PPP2R2C: variants seen among roughly 807,000 people sequenced by gnomAD.
The protein encoded by PPP2R2C is protein phosphatase 2, regulatory subunit B, gamma.
Under a neutral mutation model 45.3 loss-of-function variants are expected in PPP2R2C, and 10 were observed. The ratio of observed to expected loss-of-function variants is 0.22; its 90% CI spans 0.14 to 0.37. PPP2R2C has a LOEUF of 0.37. PPP2R2C is among the 10% of genes least tolerant of loss of function. The pLI is 1.00. For synonymous variants in PPP2R2C, 257 were observed against 245.4 expected, an observed-to-expected ratio of 1.05 and a Z score of -0.44; for missense variants, 308 against 619.7, an observed-to-expected ratio of 0.50 and a Z score of 5.34.
At chr4:6,447,586 C>T (rs1001803400) in intron 1 of PPP2R2C, among the ~76,000 whole-genome samples, 1 of 150,102 alleles carries the variant, frequency 6.7e-6, no homozygotes, top group African/African-American at 2.5e-5. Flanking sequence ...CTCCTCCTTC[C>T]CCCTGCTTTA....
At chr4:6,505,678 G>C (rs1474330926) in intron 2 of PPP2R2C, among the ~76,000 whole-genome samples, 1 of 152,188 alleles carries the variant, frequency 6.6e-6, no homozygotes, top group Non-Finnish European at 1.5e-5. Flanking sequence ...ATAAATCCAA[G>C]AATAAGGCCA....
chr4:6,374,492 G>T (rs1041583705), intron 4 of PPP2R2C, among the ~76,000 whole-genome samples: 4 of 152,158 alleles, frequency 2.6e-5, no homozygotes. Context: ...AGACAGTGTC[G>T]GATCCAAAAG....
At chr4:6,486,117 T>C (rs192274541) in intron 2 of PPP2R2C, among the ~76,000 whole-genome samples, 3 of 152,196 alleles carry the variant, frequency 2.0e-5, no homozygotes, top group Admixed American at 1.3e-4. Context: ...AAATACTTTC[T>C]AATTTCCCTT....
chr4:6,554,493 G>T (rs1725295416), intron 1 of PPP2R2C, among the ~76,000 whole-genome samples: 1 of 152,134 alleles, frequency 6.6e-6, no homozygotes. Flanking sequence ...GTAGTGCTTT[G>T]TTAAGGCAGC....
intron 2 of PPP2R2C, among the ~76,000 whole-genome samples, chr4:6,530,294 C>T (rs1724352118): frequency 6.6e-6 from 1 of 152,102 alleles, no homozygotes; most frequent in African/African-American, 2.4e-5. Context: ...AAAAACCCCA[C>T]CCAGGGAGGA....
At position 6,329,607 on chromosome 4, in the gene PPP2R2C, CG is replaced by C. The variant is rs5855908; in HGVS notation, c.961-255del. 7.0e-5 allele frequency among the ~76,000 whole-genome samples: 9 copies of C among 129,322 alleles called. No homozygotes were observed. The highest frequency in any genetic ancestry group is 2.9e-4 in the African/African-American group (6 of 20,990). 84.8% of individuals were successfully genotyped at this position (129,322 alleles called of 152,430 possible). On this transcript the variant is annotated intron_variant, in intron 7 of 8. Transcript: ENST00000382599. The surrounding 1 kb of genome is among the most constrained non-coding windows in gnomAD (Gnocchi z 5.8). ...CCCAATACAGCCCTGCTCATCTTAT[CG>C]GGGGGCCCACGACCAGGCACACGGC...
rs1383614964 is a variant in PPP2R2C at position 6,511,776 on chromosome 4, G to GCT, written c.49+23494_49+23495insAG. Among the ~76,000 whole-genome samples the GCT allele has an allele frequency of 1.1e-4, 8 of 74,608 alleles. 1 individual carries two copies. Among genetic ancestry groups the GCT allele is most frequent in the Non-Finnish European group, 1.9e-4 (6 of 32,118 alleles). 48.9% of individuals were successfully genotyped at this position (74,608 alleles called of 152,430 possible). A position where few individuals can be genotyped will look rare whatever the true frequency, so the allele number is the denominator to read the frequency against. Reference sequence around the variant, plus strand: ...CAATGGTGGTGGTGATGGTGATGGTGGTAATGGTGGTGGTGATGGTGATGG... The same window carrying GCT: ...CAATGGTGGTGGTGATGGTGATGGTGCTGTAATGGTGGTGGTGATGGTGATGG... On this transcript the variant is annotated intron_variant, in intron 2 of 9. Coordinates refer to the PPP2R2C transcript ENST00000506140.
intron 1 of PPP2R2C, among the ~76,000 whole-genome samples, chr4:6,434,538 T>C (rs1719800244): frequency 6.6e-6 from 1 of 152,034 alleles, no homozygotes; most frequent in Non-Finnish European, 1.5e-5. Context: ...TTTGTAGTTT[T>C]AGTAGAGATG....
chr4:6,448,051 G>A (rs772268842), intron 1 of PPP2R2C, among the ~76,000 whole-genome samples: 4 of 152,130 alleles, frequency 2.6e-5, no homozygotes, highest in East Asian at 1.9e-4. Flanking sequence ...GCCGCACTAC[G>A]ACCGGGGGAT....
At chr4:6,496,862 AAAATAAATAAATAAATAAATAAAT>A (rs58136718) in intron 2 of PPP2R2C, among the ~76,000 whole-genome samples, 1 of 138,950 alleles carries the variant, frequency 7.2e-6, no homozygotes, top group Non-Finnish European at 1.5e-5. Flanking sequence ...ACTCCATCTC[AAAATAAATAAATAAATAAATAAAT>A]AAATAAATAA....
chr4:6,474,237 C>G (rs1722056351), upstream of PPP2R2C, among the ~76,000 whole-genome samples: 1 of 150,400 alleles, frequency 6.6e-6, no homozygotes, highest in Admixed American at 6.6e-5. Context: ...CACTCTCTGT[C>G]CACACCCCCT....
chr4:6,493,379 G>A (rs1454137152), intron 2 of PPP2R2C, among the ~76,000 whole-genome samples: 2 of 151,778 alleles, frequency 1.3e-5, no homozygotes, highest in South Asian at 2.1e-4. Flanking sequence ...TGGACATGGA[G>A]GAGAGTCTGG....
intron 2 of PPP2R2C, among the ~76,000 whole-genome samples, chr4:6,512,562 G>T (rs1309058451): frequency 7.1e-6 from 1 of 140,416 alleles, no homozygotes; most frequent in Non-Finnish European, 1.5e-5. Flanking sequence ...TGATGGTGGT[G>T]GTGGTGGTGA....
At chr4:6,340,575 C>T (rs573996652) in intron 6 of PPP2R2C, among the ~76,000 whole-genome samples, 34 of 152,284 alleles carry the variant, frequency 2.2e-4, no homozygotes, top group African/African-American at 8.2e-4. Flanking sequence ...GCAGGCCCCA[C>T]CTGCCATGGG....
rs559154802 is a variant in PPP2R2C at position 6,345,553 on chromosome 4, C to T, written c.790+2293G>A. On this transcript the variant is annotated intron_variant, in intron 6 of 8. Transcript: ENST00000382599. This position sits in a 1 kb window ranked among gnomAD's most constrained non-coding sequence, Gnocchi z 5.3. Reference sequence around the variant, plus strand: ...GAAAGACAGACAGGAGGGTCAGAGACGTGAGAGAGGCTTGGCCGCTGTGGG... The same window carrying T: ...GAAAGACAGACAGGAGGGTCAGAGATGTGAGAGAGGCTTGGCCGCTGTGGG... Among the ~76,000 whole-genome samples the T allele has an allele frequency of 5.9e-4, 90 of 152,262 alleles. 1 individual carries two copies. The highest frequency in any genetic ancestry group is 1.9e-3 in the African/African-American group (77 of 41,554).
chr4:6,477,962 TTC>T (rs1403006354), intron 2 of PPP2R2C, among the ~76,000 whole-genome samples: 4 of 152,022 alleles, frequency 2.6e-5, no homozygotes, highest in African/African-American at 9.7e-5. Context: ...CGTGTTCCCC[TTC>T]CTGGTTCAGA....
intron 1 of PPP2R2C, among the ~76,000 whole-genome samples, chr4:6,418,527 C>A (rs953574006): frequency 6.6e-6 from 1 of 152,254 alleles, no homozygotes; most frequent in African/African-American, 2.4e-5. Flanking sequence ...AGGTGAACCT[C>A]GGCCCCAGCA....
chr4:6,432,442 C>T (rs1719673461), intron 1 of PPP2R2C, among the ~76,000 whole-genome samples: 1 of 152,226 alleles, frequency 6.6e-6, no homozygotes, highest in Non-Finnish European at 1.5e-5. Context: ...GACCCAGCGC[C>T]TGCTGCCTCG....
At position 6,329,233 on chromosome 4, in the gene PPP2R2C, G is replaced by T; in HGVS notation, c.1052+29C>A. The T allele has an allele frequency of 1.3e-6, 2 of 1,598,552 alleles. No individual in the cohort carries two copies. The highest frequency in any genetic ancestry group is 1.7e-6 in the Non-Finnish European group (2 of 1,166,586). ...GGGCAGAAACCCTCCCTACGGTGAGGTGAGGTGCGGGCTGAGGTCAGGGCT... is the reference window on the plus strand; with the variant it reads ...GGGCAGAAACCCTCCCTACGGTGAGTTGAGGTGCGGGCTGAGGTCAGGGCT... On this transcript the variant is annotated intron_variant, in intron 8 of 8. Coordinates refer to ENST00000382599, the MANE Select transcript of PPP2R2C (RefSeq NM_020416.4). The surrounding 1 kb of genome is among the most constrained non-coding windows in gnomAD (Gnocchi z 5.8).
Sources: allele counts gnomAD v4.1 joint callset (sites outside exome capture counted in the v4.1 genomes callset), GRCh38; gene constraint gnomAD v4.1.1; non-coding constraint Gnocchi (gnomAD v3.1); transcripts MANE v1.5; gene names NCBI Gene and HGNC (gene_info 2026-07-23, HGNC 2026-07-21).